The following VIT variants were observed in gnomAD, a reference collection of about 807,000 sequenced individuals.
The protein encoded by VIT is vitrin.
In VIT, 99 loss-of-function variants were observed where a neutral mutation model predicts 78.0. That is an observed-to-expected ratio of 1.27 (90% CI 1.08 to 1.50). VIT has a LOEUF of 1.50. VIT is among the 40% of genes most tolerant of loss of function. The probability of loss-of-function intolerance (pLI) is 0.00; values close to 1 mark genes in which losing one functional copy is unlikely to be tolerated. For missense variants in VIT, 1,126 were observed against 875.3 expected (o/e 1.29, Z -3.61); for synonymous variants, 374 against 334.3 (o/e 1.12, Z -1.29).
chr2:36,734,058 A>G (rs1667361894), intron 3 of VIT, among the ~76,000 whole-genome samples: 1 of 152,178 alleles, frequency 6.6e-6, no homozygotes, highest in Non-Finnish European at 1.5e-5. Context: ...CAGCATCAGC[A>G]TCATCCGGGA....
At chr2:36,771,149 T>C (rs1012694486) in intron 7 of VIT, among the ~76,000 whole-genome samples, 1 of 151,984 alleles carries the variant, frequency 6.6e-6, no homozygotes, top group Non-Finnish European at 1.5e-5. Context: ...AAAAGACAAA[T>C]ATTCCAAAAG....
At chr2:36,800,856 T>C (rs1179173960) in intron 12 of VIT, among the ~76,000 whole-genome samples, 3 of 152,114 alleles carry the variant, frequency 2.0e-5, no homozygotes, top group Non-Finnish European at 4.4e-5. Flanking sequence ...TCACGTGCAA[T>C]TCCAGTGCTA....
intron 1 of VIT, among the ~76,000 whole-genome samples, chr2:36,706,185 C>G (rs1665407749): frequency 6.6e-6 from 1 of 152,202 alleles, no homozygotes; most frequent in Non-Finnish European, 1.5e-5. Context: ...CTTCCCAGAG[C>G]TTGGCTTCAG....
In VIT at chr2:36,765,433, GAA is replaced by G. The variant is rs869113619; in HGVS notation, c.488-1659_488-1658del. On this transcript the variant is annotated intron_variant, in intron 6 of 15. Coordinates refer to ENST00000379242, the MANE Select transcript of VIT (RefSeq NM_053276.4). ...AGCAGGCGAGAGAGAGAGAGAGAGA[GAA>G]AGAGAGAGAGAGGAAAAACTGCCTT... Among the ~76,000 whole-genome samples the G allele has an allele frequency of 0.019, 1,955 of 103,266 alleles. 122 individuals carry two copies. The East Asian group carries it at 0.2, about 10-fold the overall frequency. 67.7% of individuals were successfully genotyped at this position (103,266 alleles called of 152,430 possible). A position where few individuals can be genotyped will look rare whatever the true frequency, so the allele number is the denominator to read the frequency against.
chr2:36,790,497 G>A (rs1216466192), intron 12 of VIT, among the ~76,000 whole-genome samples: 2 of 152,028 alleles, frequency 1.3e-5, no homozygotes, highest in Admixed American at 6.5e-5. Flanking sequence ...CTCCACCTGC[G>A]GGACCCATAA....
chr2:36,787,068 G>A (rs1665147831), intron 11 of VIT, 61 bp from the exon 12 acceptor site: 7 of 1,595,192 alleles, frequency 4.4e-6, no homozygotes, highest in South Asian at 3.4e-5. Flanking sequence ...GGAACAAGAG[G>A]ATGCCCAGGT....
At chr2:36,731,625 A>T (rs1303003459) in intron 3 of VIT, among the ~76,000 whole-genome samples, 1 of 152,102 alleles carries the variant, frequency 6.6e-6, no homozygotes, top group Non-Finnish European at 1.5e-5. Context: ...GGCTATTATT[A>T]CTATGAAAAA....
intron 14 of VIT, among the ~76,000 whole-genome samples, chr2:36,805,924 A>AG (rs1034204410): frequency 6.6e-5 from 10 of 152,156 alleles, no homozygotes; most frequent in Admixed American, 5.2e-4. Context: ...CCACAGCCCC[A>AG]GGGGGGGTCT....
At chr2:36,762,362 A>G (rs115970185) in intron 6 of VIT, among the ~76,000 whole-genome samples, 1,590 of 152,312 alleles carry the variant, frequency 0.01, 40 homozygotes, top group African/African-American at 0.036. Context: ...TAGATGATCT[A>G]TGATGGTCAG....
chr2:36,717,003 A>C (rs1196712369), intron 2 of VIT, among the ~76,000 whole-genome samples: 1 of 149,206 alleles, frequency 6.7e-6, no homozygotes, highest in Non-Finnish European at 1.5e-5. Flanking sequence ...CAGCCTCCCA[A>C]GTAGCTGGGA....
intron 7 of VIT, among the ~76,000 whole-genome samples, chr2:36,769,557 C>A (rs1295991267): frequency 6.6e-6 from 1 of 152,136 alleles, no homozygotes; most frequent in East Asian, 1.9e-4. Flanking sequence ...GGATAGGAAC[C>A]AAACTGGGGA....
intron 12 of VIT, among the ~76,000 whole-genome samples, chr2:36,798,628 A>G (rs6725994): frequency 9.9e-5 from 15 of 152,094 alleles, no homozygotes; most frequent in African/African-American, 3.6e-4. Flanking sequence ...GCATGGTGAA[A>G]GGTGCCTGTA....
chr2:36,734,863 C>T (rs747291669), intron 3 of VIT, among the ~76,000 whole-genome samples: 5 of 152,130 alleles, frequency 3.3e-5, no homozygotes, highest in Admixed American at 6.5e-5. Context: ...GAAGGTAATA[C>T]TTAAGAGCAT....
intron 3 of VIT, among the ~76,000 whole-genome samples, chr2:36,735,908 A>G (rs1187582536): frequency 6.6e-6 from 1 of 152,224 alleles, no homozygotes; most frequent in African/African-American, 2.4e-5. Context: ...GAGGTGGGAA[A>G]ACATGAGCCT....
In VIT at chr2:36,758,078, T is replaced by C. The variant is rs372747578; in HGVS notation, c.410-891T>C. 1.4e-4 allele frequency among the ~76,000 whole-genome samples: 22 copies of C among 152,330 alleles called. No homozygotes were observed. In the South Asian group the frequency reaches 3.9e-3, roughly 27 times the overall value. On this transcript the variant is annotated intron_variant, in intron 5 of 15. Coordinates refer to ENST00000379242, the MANE Select transcript of VIT (RefSeq NM_053276.4). ...ATCCTGTAAAAGTATTCCCTCCAGA[T>C]GGGAGAAGAAATGCTTTCATTACTA...
intron 6 of VIT, among the ~76,000 whole-genome samples, chr2:36,761,847 G>C (rs1042669771): frequency 2.0e-5 from 3 of 152,180 alleles, no homozygotes; most frequent in African/African-American, 7.2e-5. Flanking sequence ...GTAGTCGTCT[G>C]TCCAGTACTT....
intron 6 of VIT, among the ~76,000 whole-genome samples, chr2:36,760,417 T>C (rs544861817): frequency 3.7e-4 from 56 of 152,190 alleles, no homozygotes; most frequent in Non-Finnish European, 6.5e-4. Flanking sequence ...CACCTCTATC[T>C]TTAATTACTT....
At chr2:36,733,353 T>C (rs1041913935) in intron 3 of VIT, among the ~76,000 whole-genome samples, 3 of 151,678 alleles carry the variant, frequency 2.0e-5, no homozygotes, top group African/African-American at 7.3e-5. Context: ...TCCCCCCCTC[T>C]CTCTCTCTCC....
intron 8 of VIT, 33 bp downstream of exon 8, chr2:36,773,880 T>C (rs2148601980): frequency 6.4e-7 from 1 of 1,571,626 alleles, no homozygotes; most frequent in Non-Finnish European, 8.6e-7. Context: ...CAGCCACTGA[T>C]GAAAGTTAAG....
Sources: allele counts gnomAD v4.1 joint callset (sites outside exome capture counted in the v4.1 genomes callset), GRCh38; gene constraint gnomAD v4.1.1; transcripts MANE v1.5; gene names NCBI Gene and HGNC (gene_info 2026-07-23, HGNC 2026-07-21).